Variants in DPH5 observed in about 807,000 individuals in gnomAD.
DPH5 encodes the protein diphthamide biosynthesis 5.
DPH5 carries 31 observed loss-of-function variants against 31.6 expected under a neutral mutation model. The observed-to-expected ratio is 0.98, with a 90% CI of 0.74 to 1.32. The LOEUF is 1.32. DPH5 is among the 40% of genes most tolerant of loss of function. The pLI, the probability that DPH5 is intolerant of heterozygous loss-of-function variation, is 0.00. For synonymous variants in DPH5, 120 were observed against 115.0 expected (o/e 1.04, Z -0.28); for missense variants, 309 against 335.7 (o/e 0.92, Z 0.62).
At chr1:100,994,935 T>C (rs1570649865) in intron 6 of DPH5, among the ~76,000 whole-genome samples, 175 bp downstream of exon 6, 1 of 152,360 alleles carries the variant, frequency 6.6e-6, no homozygotes, top group East Asian at 1.9e-4. Context: ...AATATATTGC[T>C]ATTTCTACTC....
At chr1:101,004,895 G>A (rs1659119993) in intron 4 of DPH5, among the ~76,000 whole-genome samples, 1 of 152,200 alleles carries the variant, frequency 6.6e-6, no homozygotes, top group Non-Finnish European at 1.5e-5. Flanking sequence ...ATGGCATTAA[G>A]CCATTACCCA....
chr1:100,994,327 T>G (rs191773667), intron 6 of DPH5, among the ~76,000 whole-genome samples: 1 of 152,292 alleles, frequency 6.6e-6, no homozygotes, highest in Admixed American at 6.5e-5. Flanking sequence ...TTAATTAAAA[T>G]TAAATGAAAA....
chr1:101,000,737 A>G (rs896177363), intron 5 of DPH5, among the ~76,000 whole-genome samples: 2 of 152,346 alleles, frequency 1.3e-5, no homozygotes, highest in Middle Eastern at 6.8e-3. Flanking sequence ...AACATATGCT[A>G]CTAGAATAGG....
chr1:101,023,678 A>G (rs1222674184), intron 2 of DPH5, among the ~76,000 whole-genome samples: 1 of 152,256 alleles, frequency 6.6e-6, no homozygotes, highest in African/African-American at 2.4e-5. Flanking sequence ...CCAACTGGTA[A>G]TTGCCACTTG....
In DPH5 at chr1:101,025,721, A is replaced by T; in HGVS notation, c.-62T>A. 2.6e-6 allele frequency: 1 copy of T among 386,292 alleles called. No homozygotes were observed. The highest frequency in any genetic ancestry group is 3.5e-5 in the South Asian group (1 of 28,342). The allele number at this position is 386,292 out of a possible 1,614,324, so 23.9% of individuals were successfully genotyped here. On this transcript the variant is annotated 5_prime_UTR_variant, in exon 1 of 8. It adds an upstream start codon to the 5' untranslated region. Coordinates refer to ENST00000370109, the MANE Select transcript of DPH5 (RefSeq NM_015958.3). ...CGTAGGTAGTTCTCTGGCCTTTACA[A>T]ATTCTTAACTACCACCTTTCCGCAG...
At chr1:101,022,186 T>C (rs559332176) in intron 2 of DPH5, among the ~76,000 whole-genome samples, 37 of 152,318 alleles carry the variant, frequency 2.4e-4, no homozygotes, top group Admixed American at 2.0e-3. Context: ...TTAGCTTTTA[T>C]TAAATTTTCA....
chr1:100,992,322 A>C (rs1657829801), intron 7 of DPH5, among the ~76,000 whole-genome samples: 1 of 152,152 alleles, frequency 6.6e-6, no homozygotes, highest in South Asian at 2.1e-4. Context: ...TAGGGATAAC[A>C]TAATAGATAT....
chr1:101,023,503 G>C (rs1465286175), intron 2 of DPH5, among the ~76,000 whole-genome samples: 1 of 152,162 alleles, frequency 6.6e-6, no homozygotes, highest in Non-Finnish European at 1.5e-5. Context: ...GGTAAGGCTG[G>C]GTCCAGCTTC....
chr1:100,997,661 G>A (rs1170322904), intron 5 of DPH5, among the ~76,000 whole-genome samples: 3 of 152,116 alleles, frequency 2.0e-5, no homozygotes, highest in Admixed American at 6.5e-5. Context: ...CACCGCACCC[G>A]GCCTTTCCTG....
intron 6 of DPH5, among the ~76,000 whole-genome samples, chr1:100,993,129 T>G (rs540808711): frequency 6.6e-6 from 1 of 152,314 alleles, no homozygotes; most frequent in African/African-American, 2.4e-5. Flanking sequence ...CATATTCTTT[T>G]CACTGTTTCC....
chr1:101,020,284 A>G (rs1478011623), intron 3 of DPH5, among the ~76,000 whole-genome samples: 2 of 152,132 alleles, frequency 1.3e-5, no homozygotes, highest in Non-Finnish European at 2.9e-5. Flanking sequence ...AACTCCAAAC[A>G]TCATGTCTTT....
At chr1:101,002,939 G>A (rs1304353599) in intron 4 of DPH5, among the ~76,000 whole-genome samples, 1 of 152,100 alleles carries the variant, frequency 6.6e-6, no homozygotes, top group Non-Finnish European at 1.5e-5. Flanking sequence ...TACATAATGA[G>A]GTCCTATAAA....
intron 4 of DPH5, 196 bp downstream of exon 4, chr1:101,013,514 C>T (rs753176690): frequency 9.8e-6 from 4 of 406,424 alleles, no homozygotes; most frequent in African/African-American, 2.0e-5. Context: ...TCTAAACATT[C>T]GATTCCAATA....
At chr1:101,003,553 T>A (rs908714368) in intron 4 of DPH5, among the ~76,000 whole-genome samples, 1 of 152,202 alleles carries the variant, frequency 6.6e-6, no homozygotes, top group Non-Finnish European at 1.5e-5. Flanking sequence ...GAGGAACCCT[T>A]CTACAAAATG....
intron 5 of DPH5, among the ~76,000 whole-genome samples, chr1:100,998,901 G>A (rs1040211293): frequency 6.6e-6 from 1 of 152,148 alleles, no homozygotes; most frequent in Non-Finnish European, 1.5e-5. Flanking sequence ...CTGAAAGGGG[G>A]CAGGCAGCAA....
rs747229142 is a variant in DPH5 at position 101,013,748 on chromosome 1, C to A, written c.331G>T (p.Ala111Ser). The A allele has an allele frequency of 5.0e-6, 8 of 1,612,726 alleles. No homozygotes were observed. The highest frequency in any genetic ancestry group is 6.8e-6 in the Non-Finnish European group (8 of 1,179,294). ...LGIPYRVIHN[A>S]SIMNAVGCCG... ...CAGCCTACAGCATTCATTATGGAGGCATTGTGAATAACTCTATAAGGAATT... is the reference window on the plus strand; with the variant it reads ...CAGCCTACAGCATTCATTATGGAGGAATTGTGAATAACTCTATAAGGAATT... Residue 111 changes from alanine to serine, a missense_variant, in exon 4 of 8, where the codon GCC becomes TCC. Ala to Ser is a moderately conservative substitution (Grantham distance 99). Coordinates refer to ENST00000370109, the MANE Select transcript of DPH5 (RefSeq NM_015958.3).
Position 101,025,325 on chromosome 1 carries a change from A to G in DPH5, c.119T>C (p.Val40Ala), listed in dbSNP as rs762779877. ...AGCACCTACCAAGGCTTCCTTCCCTACAGTTAGGACTGAGGTGTAGGCTTC... is the reference window on the plus strand; with the variant it reads ...AGCACCTACCAAGGCTTCCTTCCCTGCAGTTAGGACTGAGGTGTAGGCTTC... ...YLEAYTSVLT[V>A]GKEALEEFYG... Residue 40 changes from valine to alanine, a missense_variant, in exon 2 of 8, where the codon GTA becomes GCA. Transcript: ENST00000370109. The G allele has an allele frequency of 1.9e-6, 3 of 1,614,142 alleles. No homozygotes were observed. The Admixed American group carries it at 5.0e-5, about 27-fold the overall frequency.
Position 100,992,672 on chromosome 1 carries a change from AT to A in DPH5, c.598del (p.Ile200LeufsTer23). ...VNQAAQQLLE[I>X]VQNQRIRGEE... ...TCCTCGTATTCTTTGATTTTGAACA[AT>A]CTCCAGAAGCTGCTGGGCTGCTTGG... On this transcript the variant is annotated frameshift_variant, in exon 7 of 8. Coordinates refer to ENST00000370109, the MANE Select transcript of DPH5 (RefSeq NM_015958.3). LOFTEE classifies it high-confidence loss of function. 6.2e-7 allele frequency: 1 copy of A among 1,613,924 alleles called. No individual in the cohort carries two copies. Among genetic ancestry groups the A allele is most frequent in the Middle Eastern group, 1.7e-4 (1 of 6,054 alleles).
At chr1:101,013,619 T>A in intron 4 of DPH5, 91 bp downstream of exon 4, 4 of 919,662 alleles carry the variant, frequency 4.3e-6, no homozygotes, top group Non-Finnish European at 6.5e-6. Flanking sequence ...TGTTTTATGA[T>A]TCATAAAATA....
Sources: allele counts gnomAD v4.1 joint callset (sites outside exome capture counted in the v4.1 genomes callset), GRCh38; gene constraint gnomAD v4.1.1; transcripts MANE v1.5; gene names NCBI Gene and HGNC (gene_info 2026-07-23, HGNC 2026-07-21).